GABRB2: variants seen among roughly 807,000 people sequenced by gnomAD.
GABRB2 encodes the protein gamma-aminobutyric acid type A receptor subunit beta2.
In GABRB2, 16 loss-of-function variants were observed where a neutral mutation model predicts 54.7. The ratio of observed to expected loss-of-function variants is 0.29; its 90% CI spans 0.20 to 0.44. The LOEUF (loss-of-function observed/expected upper bound fraction) is 0.44. GABRB2 is among the 20% of genes least tolerant of loss of function. The probability of loss-of-function intolerance (pLI) is 1.00; values close to 1 mark genes in which losing one functional copy is unlikely to be tolerated. For missense variants in GABRB2, 355 were observed against 644.0 expected (o/e 0.55, Z 4.86); for synonymous variants, 244 against 233.8 (o/e 1.04, Z -0.40).
chr5:161,462,196 C>T (rs370712336), intron 3 of GABRB2, among the ~76,000 whole-genome samples: 28 of 152,264 alleles, frequency 1.8e-4, no homozygotes, highest in East Asian at 9.7e-4. Flanking sequence ...CGGTGAAATT[C>T]GCTTTAGCGG....
At chr5:161,428,722 T>C (rs1757084479) in intron 4 of GABRB2, among the ~76,000 whole-genome samples, 2 of 152,188 alleles carry the variant, frequency 1.3e-5, no homozygotes, top group Non-Finnish European at 2.9e-5. Context: ...GAAGGCATTG[T>C]ATAAAATTGT....
At chr5:161,509,000 C>T (rs1159831735) in intron 3 of GABRB2, among the ~76,000 whole-genome samples, 2 of 151,894 alleles carry the variant, frequency 1.3e-5, no homozygotes, top group East Asian at 1.9e-4. Context: ...GGCTTTGTGG[C>T]TCTTTTTTTA....
chr5:161,471,635 G>C (rs1409765025), intron 3 of GABRB2, among the ~76,000 whole-genome samples: 1 of 151,864 alleles, frequency 6.6e-6, no homozygotes, highest in East Asian at 1.9e-4. Context: ...TCTTATCATA[G>C]ACCTACCTTC....
At chr5:161,359,148 T>C (rs1754728353) in intron 5 of GABRB2, among the ~76,000 whole-genome samples, 1 of 152,158 alleles carries the variant, frequency 6.6e-6, no homozygotes, top group Admixed American at 6.5e-5. Flanking sequence ...AAAAAACCCC[T>C]AACTCAACCA....
rs967771 is a variant in GABRB2, at chr5:161,335,167, C to T, written c.680-263G>A. Reference sequence around the variant, plus strand: ...CCTCATAGAGTGAATCAAACATACCCCTCCTCTGTAATTGTTAGGACAATT... The same window carrying T: ...CCTCATAGAGTGAATCAAACATACCTCTCCTCTGTAATTGTTAGGACAATT... On this transcript the variant is annotated intron_variant, in intron 6 of 9. Coordinates refer to ENST00000393959, the MANE Select transcript of GABRB2 (RefSeq NM_001371727.1). 0.16 allele frequency among the ~76,000 whole-genome samples: 24,549 copies of T among 152,022 alleles called. 2,554 individuals carry two copies. The highest frequency in any genetic ancestry group is 0.23 in the Non-Finnish European group (15,931 of 67,938).
intron 4 of GABRB2, among the ~76,000 whole-genome samples, chr5:161,442,159 T>C (rs1240487795): frequency 1.3e-5 from 2 of 152,302 alleles, no homozygotes; most frequent in African/African-American, 4.8e-5. Flanking sequence ...CCATTGCCCA[T>C]AATGTGTTTA....
At chr5:161,453,087 C>T (rs1757840391) in intron 4 of GABRB2, among the ~76,000 whole-genome samples, 1 of 152,132 alleles carries the variant, frequency 6.6e-6, no homozygotes, top group Admixed American at 6.5e-5. Context: ...TTGGAATAGA[C>T]CATATTTCAG....
intron 3 of GABRB2, among the ~76,000 whole-genome samples, chr5:161,525,804 G>C (rs1449847261): frequency 6.6e-6 from 1 of 151,052 alleles, no homozygotes; most frequent in Non-Finnish European, 1.5e-5. Context: ...TCTAACTTAA[G>C]TTTCCCAGTA....
Position 161,315,189 on chromosome 5 carries a change from G to A in GABRB2, c.1191+11179C>T, listed in dbSNP as rs542072068. 7.2e-5 allele frequency among the ~76,000 whole-genome samples: 11 copies of A among 152,258 alleles called. No homozygotes were observed. The South Asian group carries it at 2.3e-3, about 32-fold the overall frequency. ...TTTATTATATTTGGTTTAGTGCTGAGCTAGGTATTCTGACAGAATAAATAT... is the reference window on the plus strand; with the variant it reads ...TTTATTATATTTGGTTTAGTGCTGAACTAGGTATTCTGACAGAATAAATAT... On this transcript the variant is annotated intron_variant, in intron 9 of 9. Transcript: ENST00000393959.
chr5:161,307,380 A>ATT (rs1757719763), intron 9 of GABRB2, among the ~76,000 whole-genome samples: 1 of 152,232 alleles, frequency 6.6e-6, no homozygotes, highest in Admixed American at 6.5e-5. Flanking sequence ...CTCAATAAAT[A>ATT]TCTGCTGAAA....
chr5:161,524,173 T>C (rs918664235), intron 3 of GABRB2, among the ~76,000 whole-genome samples: 2 of 151,354 alleles, frequency 1.3e-5, no homozygotes, highest in African/African-American at 4.8e-5. Context: ...TAGAAAATAT[T>C]GTATTAATTC....
chr5:161,506,693 C>T (rs142404432), intron 3 of GABRB2, among the ~76,000 whole-genome samples: 30 of 152,108 alleles, frequency 2.0e-4, no homozygotes, highest in African/African-American at 6.5e-4. Context: ...AGTTTACCAA[C>T]CACTACTCTA....
intron 9 of GABRB2, among the ~76,000 whole-genome samples, chr5:161,318,656 A>G (rs1758116097): frequency 6.6e-6 from 1 of 152,004 alleles, no homozygotes; most frequent in African/African-American, 2.4e-5. Context: ...AAAATTTTTC[A>G]CTTTCTGGAT....
chr5:161,530,096 T>C (rs1760410536), intron 3 of GABRB2, among the ~76,000 whole-genome samples: 1 of 152,084 alleles, frequency 6.6e-6, no homozygotes, highest in African/African-American at 2.4e-5. Flanking sequence ...TAAGTAGCGT[T>C]TGATTGAATT....
At chr5:161,487,439 T>C (rs1367242659) in intron 3 of GABRB2, among the ~76,000 whole-genome samples, 2 of 151,894 alleles carry the variant, frequency 1.3e-5, no homozygotes, top group Non-Finnish European at 1.5e-5. Flanking sequence ...GCATGATCAA[T>C]TGTAAACATA....
At chr5:161,462,054 T>A (rs1282505288) in intron 3 of GABRB2, among the ~76,000 whole-genome samples, 4 of 152,198 alleles carry the variant, frequency 2.6e-5, no homozygotes, top group African/African-American at 7.2e-5. Context: ...TATTTAAATA[T>A]TTTCTGTGGC....
At chr5:161,501,416 C>A (rs1290253956) in intron 3 of GABRB2, among the ~76,000 whole-genome samples, 1 of 152,060 alleles carries the variant, frequency 6.6e-6, no homozygotes, top group Non-Finnish European at 1.5e-5. Flanking sequence ...TTTTATATAG[C>A]AGTATTCTTT....
At chr5:161,389,528 T>C (rs564870186) in intron 5 of GABRB2, among the ~76,000 whole-genome samples, 2 of 151,650 alleles carry the variant, frequency 1.3e-5, no homozygotes, top group South Asian at 4.2e-4. Flanking sequence ...TAAAAACATA[T>C]AAAATGTGTA....
intron 3 of GABRB2, among the ~76,000 whole-genome samples, chr5:161,519,188 A>G (rs1760040033): frequency 6.6e-6 from 1 of 152,210 alleles, no homozygotes; most frequent in Non-Finnish European, 1.5e-5. Context: ...TCTCTTTTGG[A>G]GACTGTAAGC....
Sources: gnomAD v4.1 joint callset for allele counts (sites outside exome capture counted in the v4.1 genomes callset) on GRCh38, gnomAD v4.1.1 for gene constraint, MANE v1.5 for transcripts, NCBI Gene and HGNC (gene_info 2026-07-23, HGNC 2026-07-21) for gene names.